The following RBM27 variants were observed in gnomAD, a reference collection of about 807,000 sequenced individuals.
The protein encoded by RBM27 is RNA binding motif protein 27.
RBM27 carries 22 observed loss-of-function variants against 135.3 expected under a neutral mutation model. That is an observed-to-expected ratio of 0.16 (90% CI 0.12 to 0.23). RBM27 has a LOEUF of 0.23. Among genes scored for constraint, RBM27 ranks in the 10% least tolerant of loss-of-function variants. RBM27 has a pLI of 1.00. For missense variants in RBM27, 1,009 were observed against 1,281.0 expected, an observed-to-expected ratio of 0.79 and a Z score of 3.24; for synonymous variants, 481 against 442.4, an observed-to-expected ratio of 1.09 and a Z score of -1.10.
intron 6 of RBM27, among the ~76,000 whole-genome samples, chr5:146,232,768 C>A (rs939706945): frequency 6.6e-6 from 1 of 152,104 alleles, no homozygotes; most frequent in Non-Finnish European, 1.5e-5. Flanking sequence ...GGGGTTTCAC[C>A]ATGTTGGTCA....
At chr5:146,274,723 A>G (rs1252275511) in intron 19 of RBM27, among the ~76,000 whole-genome samples, 1 of 152,188 alleles carries the variant, frequency 6.6e-6, no homozygotes, top group African/African-American at 2.4e-5. Context: ...AGGTATATTT[A>G]CATTAAAGCA....
chr5:146,225,931 C>T (rs67859456), intron 3 of RBM27, among the ~76,000 whole-genome samples: 22,271 of 151,848 alleles, frequency 0.15, 2,946 homozygotes, highest in African/African-American at 0.35. Flanking sequence ...GGCGCGATCT[C>T]GGCCCATTGC....
chr5:146,219,767 C>A (rs567022483), intron 2 of RBM27, among the ~76,000 whole-genome samples: 1 of 152,284 alleles, frequency 6.6e-6, no homozygotes, highest in Non-Finnish European at 1.5e-5. Context: ...CTTCAAATGT[C>A]ATCTTCTGAA....
intron 6 of RBM27, 124 bp downstream of exon 6, chr5:146,231,041 A>T: frequency 3.3e-6 from 4 of 1,200,838 alleles, no homozygotes; most frequent in Non-Finnish European, 4.5e-6. Flanking sequence ...ATTTATTTTG[A>T]GACAGAGTCT....
intron 9 of RBM27, among the ~76,000 whole-genome samples, chr5:146,253,505 T>C (rs1757980057): frequency 6.6e-6 from 1 of 152,062 alleles, no homozygotes; most frequent in Non-Finnish European, 1.5e-5. Flanking sequence ...AGACAGTTCT[T>C]AATCTAGTGA....
At chr5:146,228,903 G>T in intron 3 of RBM27, 43 bp from the exon 4 acceptor site, 1 of 1,542,450 alleles carries the variant, frequency 6.5e-7, no homozygotes, top group Non-Finnish European at 9.0e-7. Context: ...GTGAGCCACC[G>T]TGCCTGGCCC....
At chr5:146,280,107 G>A (rs1378901941) in intron 19 of RBM27, among the ~76,000 whole-genome samples, 3 of 150,700 alleles carry the variant, frequency 2.0e-5, no homozygotes, top group Admixed American at 6.6e-5. Flanking sequence ...CACCCAGGCC[G>A]GAGTGCAGTG....
At chr5:146,239,939 G>A (rs890566019) in intron 8 of RBM27, among the ~76,000 whole-genome samples, 4 of 151,904 alleles carry the variant, frequency 2.6e-5, no homozygotes, top group African/African-American at 9.7e-5. Flanking sequence ...ACCACACCCG[G>A]CTAATTTTTG....
intron 1 of RBM27, among the ~76,000 whole-genome samples, chr5:146,205,404 C>T (rs910112096): frequency 2.0e-5 from 3 of 152,076 alleles, no homozygotes; most frequent in East Asian, 1.9e-4. Flanking sequence ...GGTCAGATTG[C>T]ATTAGTGGAA....
At chr5:146,209,162 T>C (rs964325911) in intron 1 of RBM27, among the ~76,000 whole-genome samples, 1 of 152,230 alleles carries the variant, frequency 6.6e-6, no homozygotes, top group Non-Finnish European at 1.5e-5. Flanking sequence ...GTGGTTTGTG[T>C]ACCTCTGAAT....
chr5:146,232,734 A>G (rs1276057791), intron 6 of RBM27, among the ~76,000 whole-genome samples: 1 of 152,006 alleles, frequency 6.6e-6, no homozygotes, highest in East Asian at 1.9e-4. Flanking sequence ...ACGCCCAGCT[A>G]ATTTTTGTAT....
chr5:146,263,527 C>T lies in RBM27; in HGVS notation c.2227C>T (p.Leu743Phe), dbSNP rs761705727. 30 of 1,614,012 alleles carry T rather than the reference C, an allele frequency of 1.9e-5. No individual in the cohort carries two copies. Among genetic ancestry groups the T allele is most frequent in the Non-Finnish European group, 2.4e-5 (28 of 1,180,004 alleles). The change falls in exon 14 of 21, where the codon CTT (leucine) becomes TTT (phenylalanine). Residue 743 changes from leucine (L) to phenylalanine (F), a missense_variant. Leu to Phe is a conservative substitution (Grantham distance 22). Transcript: ENST00000265271. Reference sequence around the variant, plus strand: ...ACCACAGACATCAGGTGCATATGTTCTTAACAAAGTTCCTGTTAAACATCG... The same window carrying T: ...ACCACAGACATCAGGTGCATATGTTTTTAACAAAGTTCCTGTTAAACATCG... ...SKPQTSGAYV[L>F]NKVPVKHRLG...
At chr5:146,258,316 C>T (rs545942579) in intron 10 of RBM27, 133 bp from the exon 11 acceptor site, 702 of 614,820 alleles carry the variant, frequency 1.1e-3, no homozygotes, top group Non-Finnish European at 1.6e-3. Flanking sequence ...GTAACTTTTT[C>T]TTCTGTTAGG....
At chr5:146,269,766 T>TA (rs1758783349) in intron 17 of RBM27, among the ~76,000 whole-genome samples, 182 bp downstream of exon 17, 1 of 147,312 alleles carries the variant, frequency 6.8e-6, no homozygotes, top group Non-Finnish European at 1.5e-5. Context: ...TTTTTTTTTT[T>TA]AAGAGACAAG....
chr5:146,207,502 T>C (rs62373831), intron 1 of RBM27, among the ~76,000 whole-genome samples: 31,780 of 150,726 alleles, frequency 0.21, 4,204 homozygotes, highest in Admixed American at 0.33. Flanking sequence ...CATGAGCCAC[T>C]GCGCCCAGCC....
In RBM27 at chr5:146,260,754, TAAC is replaced by T. The variant is rs767881684; in HGVS notation, c.1752_1754del (p.Asn585del). On this transcript the variant is annotated inframe_deletion, in exon 12 of 21. Transcript: ENST00000265271. ...TTAATCTTCCTTTTAGGCAAGGAAA[TAAC>T]AATCAAAATAAACCAGGGTTCTTAC... 39 of 1,604,486 alleles carry T rather than the reference TAAC, an allele frequency of 2.4e-5. No individual in the cohort carries two copies. Among genetic ancestry groups the T allele is most frequent in the Non-Finnish European group, 3.1e-5 (37 of 1,177,044 alleles).
At position 146,258,448 on chromosome 5, in the gene RBM27, G is replaced by A; in HGVS notation, c.1595-1G>A. On this transcript the variant is annotated splice_acceptor_variant, in intron 10 of 20. Coordinates refer to ENST00000265271, the MANE Select transcript of RBM27 (RefSeq NM_018989.2). LOFTEE classifies it high-confidence loss of function. ...GTAATTTCAATTTTTTTTTCCAACA[G>A]CTGCTAACATTGTGATCCAGACTGA... 1 of 1,538,414 alleles carries A rather than the reference G, an allele frequency of 6.5e-7. No individual in the cohort carries two copies. The highest frequency in any genetic ancestry group is 1.3e-5 in the South Asian group (1 of 78,678).
At chr5:146,227,687 T>C (rs887637176) in intron 3 of RBM27, among the ~76,000 whole-genome samples, 1 of 152,094 alleles carries the variant, frequency 6.6e-6, no homozygotes, top group African/African-American at 2.4e-5. Flanking sequence ...TGCTGTGAGC[T>C]GAGATAGCGC....
intron 14 of RBM27, among the ~76,000 whole-genome samples, chr5:146,265,612 C>T (rs1758579195): frequency 6.6e-6 from 1 of 152,140 alleles, no homozygotes; most frequent in African/African-American, 2.4e-5. Context: ...AAGTGAAACA[C>T]ATGAACTAGC....
Sources: gnomAD v4.1 joint callset for allele counts (sites outside exome capture counted in the v4.1 genomes callset) on GRCh38, gnomAD v4.1.1 for gene constraint, MANE v1.5 for transcripts, NCBI Gene and HGNC (gene_info 2026-07-23, HGNC 2026-07-21) for gene names.